Variants in CMSS1 observed in about 807,000 individuals in gnomAD.
The protein encoded by CMSS1 is protein CMSS1.
A neutral mutation model predicts 43.5 loss-of-function variants in CMSS1; 33 were observed. That is an observed-to-expected ratio of 0.76 (90% CI 0.57 to 1.01). CMSS1 has a LOEUF of 1.01. CMSS1 is among the 50% of genes least tolerant of loss of function. The pLI is 0.00. For synonymous variants in CMSS1, 115 were observed against 117.2 expected (o/e 0.98, Z 0.12); for missense variants, 313 against 326.4 (o/e 0.96, Z 0.32).
At chr3:99,968,994 T>A (rs1708736594) in intron 1 of CMSS1, among the ~76,000 whole-genome samples, 1 of 152,014 alleles carries the variant, frequency 6.6e-6, no homozygotes, top group Non-Finnish European at 1.5e-5. Flanking sequence ...TGATAAAAGA[T>A]TTAAATGGGT....
chr3:100,074,867 T>G (rs2065824821), intron 1 of CMSS1, among the ~76,000 whole-genome samples: 1 of 151,658 alleles, frequency 6.6e-6, no homozygotes, highest in Non-Finnish European at 1.5e-5. Context: ...CTAATTTTTG[T>G]CTTTTTAATA....
chr3:99,972,870 T>C (rs775953944), intron 1 of CMSS1, among the ~76,000 whole-genome samples: 1 of 152,240 alleles, frequency 6.6e-6, no homozygotes, highest in Non-Finnish European at 1.5e-5. Flanking sequence ...TTTTCTTTCA[T>C]GTTAGATGTA....
intron 1 of CMSS1, among the ~76,000 whole-genome samples, chr3:100,123,207 T>G (rs1329943058): frequency 1.3e-5 from 2 of 152,190 alleles, no homozygotes; most frequent in Non-Finnish European, 2.9e-5. Flanking sequence ...GACCTCTCTC[T>G]GAAGAGGCCA....
chr3:99,991,358 G>A (rs988941246), intron 1 of CMSS1, among the ~76,000 whole-genome samples: 7 of 152,214 alleles, frequency 4.6e-5, no homozygotes, highest in African/African-American at 1.7e-4. Context: ...GAGGTTTTAG[G>A]AGTAATAATA....
chr3:100,171,839 G>T lies in CMSS1; in HGVS notation c.519G>T (p.Arg173Ser). 3 of 1,613,736 alleles carry T rather than the reference G, an allele frequency of 1.9e-6. No individual in the cohort carries two copies. Among genetic ancestry groups the T allele is most frequent in the Non-Finnish European group, 2.5e-6 (3 of 1,179,774 alleles). The change falls in exon 7 of 10, where the codon AGG becomes AGT. Residue 173 changes from arginine to serine, a missense_variant and splice_region_variant. Coordinates refer to ENST00000421999, the MANE Select transcript of CMSS1 (RefSeq NM_032359.4). Reference sequence around the variant, plus strand: ...GCATTCACCTGCTTCTTTTCATTAGGTCGATGACAGCATTCAGAGGAGACG... The same window carrying T: ...GCATTCACCTGCTTCTTTTCATTAGTTCGATGACAGCATTCAGAGGAGACG... The part of the protein sequence containing the change: ...SSAVRALELI[R>S]SMTAFRGDGK...
At chr3:99,848,769 TA>T in intron 1 of CMSS1, 1 of 1,614,214 alleles carries the variant, frequency 6.2e-7, no homozygotes, top group Non-Finnish European at 8.5e-7. Flanking sequence ...TGCCTTGTTC[TA>T]AATTCATGAG....
chr3:100,110,002 T>G (rs1247999084), intron 1 of CMSS1: 1 of 148,206 alleles, frequency 6.7e-6, no homozygotes, highest in Non-Finnish European at 1.5e-5. Flanking sequence ...TTTTTCTTGT[T>G]CGAAGAAGAA....
intron 1 of CMSS1, among the ~76,000 whole-genome samples, chr3:99,945,668 A>G (rs1325246375): frequency 6.6e-6 from 1 of 152,236 alleles, no homozygotes; most frequent in Non-Finnish European, 1.5e-5. Flanking sequence ...AGAGCCTGCC[A>G]AGTCAATTTC....
chr3:100,141,700 G>GAAAAAAAAAA, intron 1 of CMSS1: 1 of 389,758 alleles, frequency 2.6e-6, no homozygotes. Context: ...GCCAGGGGTT[G>GAAAAAAAAAA]AAAAAGGACA....
intron 1 of CMSS1, among the ~76,000 whole-genome samples, chr3:100,107,488 G>A (rs73859924): frequency 0.015 from 2,240 of 152,182 alleles, 56 homozygotes; most frequent in African/African-American, 0.052. Context: ...CTTTCCTTCC[G>A]CACATTTGGC....
At chr3:100,005,390 A>T (rs749513101) in intron 1 of CMSS1, among the ~76,000 whole-genome samples, 1 of 152,028 alleles carries the variant, frequency 6.6e-6, no homozygotes, top group Non-Finnish European at 1.5e-5. Context: ...GGGTCCCTCT[A>T]CCCCCACTGT....
chr3:100,042,951 A>C (rs1403867533), intron 1 of CMSS1, among the ~76,000 whole-genome samples: 1 of 152,236 alleles, frequency 6.6e-6, no homozygotes, highest in Non-Finnish European at 1.5e-5. Flanking sequence ...GTAAAGTCCT[A>C]CATGTTTGTG....
intron 1 of CMSS1, among the ~76,000 whole-genome samples, chr3:99,823,604 C>T (rs1401666765): frequency 6.6e-6 from 1 of 152,192 alleles, no homozygotes. Context: ...CTGCCATAAG[C>T]TTCTAACAGG....
At chr3:100,077,291 G>A (rs190433859) in intron 1 of CMSS1, among the ~76,000 whole-genome samples, 2 of 152,354 alleles carry the variant, frequency 1.3e-5, no homozygotes, top group Admixed American at 1.3e-4. Context: ...GATGCATGGT[G>A]TTCTTAAGAA....
intron 1 of CMSS1, among the ~76,000 whole-genome samples, chr3:99,962,125 T>G (rs1419638351): frequency 6.6e-6 from 1 of 152,152 alleles, no homozygotes; most frequent in African/African-American, 2.4e-5. Context: ...AGGAAGGTAT[T>G]CCAGGAAGGA....
chr3:99,838,632 C>A (rs1046328553), intron 1 of CMSS1, among the ~76,000 whole-genome samples: 1 of 152,100 alleles, frequency 6.6e-6, no homozygotes, highest in African/African-American at 2.4e-5. Flanking sequence ...AATTTAAAAC[C>A]CCTTGCAACT....
At chr3:99,872,958 A>T (rs1705311370) in intron 1 of CMSS1, among the ~76,000 whole-genome samples, 1 of 151,944 alleles carries the variant, frequency 6.6e-6, no homozygotes, top group Non-Finnish European at 1.5e-5. Flanking sequence ...GCAAAGGCTG[A>T]TAAGTGTTGG....
At chr3:100,119,014 C>A (rs1353544451) in intron 1 of CMSS1, among the ~76,000 whole-genome samples, 1 of 152,064 alleles carries the variant, frequency 6.6e-6, no homozygotes, top group Non-Finnish European at 1.5e-5. Flanking sequence ...ACTCTCTGAG[C>A]TTCGGTTTCC....
At chr3:99,927,392 G>T (rs562443579) in intron 1 of CMSS1, among the ~76,000 whole-genome samples, 1 of 148,242 alleles carries the variant, frequency 6.7e-6, no homozygotes, top group Non-Finnish European at 1.5e-5. Context: ...TTTTTGAGAC[G>T]GAGTTTCGCT....
Sources: allele counts gnomAD v4.1 joint callset (sites outside exome capture counted in the v4.1 genomes callset), GRCh38; gene constraint gnomAD v4.1.1; transcripts MANE v1.5; gene names NCBI Gene and HGNC (gene_info 2026-07-23, HGNC 2026-07-21).